The following ERC2 variants were observed in gnomAD, a reference collection of about 807,000 sequenced individuals.
The protein encoded by ERC2 is ELKS/RAB6-interacting/CAST family member 2.
ERC2 carries 42 observed loss-of-function variants against 114.8 expected under a neutral mutation model. The observed-to-expected ratio is 0.37, with a 90% CI of 0.29 to 0.47. The LOEUF is 0.47. ERC2 is among the 20% of genes least tolerant of loss of function. The pLI is 0.99. For missense variants in ERC2, 939 were observed against 1,150.7 expected (o/e 0.82, Z 2.66); for synonymous variants, 454 against 425.5 (o/e 1.07, Z -0.82).
chr3:55,517,356 G>A (rs1007963415), intron 17 of ERC2, among the ~76,000 whole-genome samples: 1 of 148,028 alleles, frequency 6.8e-6, no homozygotes, highest in East Asian at 2.0e-4. Context: ...CAGGAGAATC[G>A]CTTGAACCAG....
intron 2 of ERC2, among the ~76,000 whole-genome samples, chr3:56,364,331 T>C (rs1190924530): frequency 1.3e-5 from 2 of 152,240 alleles, no homozygotes; most frequent in African/African-American, 4.8e-5. Context: ...TCAATAGCTG[T>C]ACAACACTGT....
chr3:55,699,810 C>T (rs1346252645), intron 15 of ERC2, among the ~76,000 whole-genome samples: 1 of 152,062 alleles, frequency 6.6e-6, no homozygotes, highest in South Asian at 2.1e-4. Flanking sequence ...CATTATCAAG[C>T]AATCACAGAG....
chr3:56,050,686 C>A (rs1055108519), intron 7 of ERC2, among the ~76,000 whole-genome samples: 14 of 152,264 alleles, frequency 9.2e-5, no homozygotes, highest in Middle Eastern at 3.4e-3. Flanking sequence ...CTCTCAACAC[C>A]TGTACTGCTT....
chr3:55,524,636 A>G (rs1406824184), intron 17 of ERC2, among the ~76,000 whole-genome samples: 2 of 152,150 alleles, frequency 1.3e-5, no homozygotes, highest in Non-Finnish European at 2.9e-5. Context: ...TTAAGCCACA[A>G]GAAGGAGCAG....
At chr3:55,971,593 CA>C (rs2149486016) in intron 12 of ERC2, among the ~76,000 whole-genome samples, 1 of 152,082 alleles carries the variant, frequency 6.6e-6, no homozygotes, top group African/African-American at 2.4e-5. Flanking sequence ...ATGTCAGTAA[CA>C]TATAGATTGG....
intron 7 of ERC2, among the ~76,000 whole-genome samples, chr3:56,038,632 G>A (rs116274223): frequency 0.011 from 1,648 of 152,246 alleles, 22 homozygotes; most frequent in African/African-American, 0.037. Flanking sequence ...ATATACGCAT[G>A]TGTATGTTCA....
chr3:55,651,145 G>C (rs898689467), intron 17 of ERC2, among the ~76,000 whole-genome samples: 9 of 150,852 alleles, frequency 6.0e-5, no homozygotes, highest in African/African-American at 2.2e-4. Flanking sequence ...ACAGGCGTGA[G>C]CCACTGCACC....
intron 12 of ERC2, among the ~76,000 whole-genome samples, chr3:55,963,908 A>G (rs983707879): frequency 5.3e-5 from 8 of 152,364 alleles, no homozygotes; most frequent in African/African-American, 1.9e-4. Context: ...CACAAGGGGC[A>G]CTTCGTGTAT....
chr3:56,066,970 A>C (rs1432892389), intron 7 of ERC2, among the ~76,000 whole-genome samples: 1 of 152,208 alleles, frequency 6.6e-6, no homozygotes, highest in Non-Finnish European at 1.5e-5. Flanking sequence ...TAGAGTTTGA[A>C]GTCAAGCGGC....
chr3:55,767,240 A>G (rs542900204), intron 14 of ERC2, among the ~76,000 whole-genome samples: 9 of 152,348 alleles, frequency 5.9e-5, no homozygotes, highest in Admixed American at 1.3e-4. Flanking sequence ...CAGTGCTTAT[A>G]AAATGTAAAT....
At chr3:55,870,477 A>G (rs1385132309) in intron 14 of ERC2, among the ~76,000 whole-genome samples, 2 of 152,244 alleles carry the variant, frequency 1.3e-5, no homozygotes, top group East Asian at 3.9e-4. Flanking sequence ...TTAGCAATCC[A>G]TGCTAAGTGT....
intron 6 of ERC2, among the ~76,000 whole-genome samples, chr3:56,106,602 A>T (rs757974267): frequency 3.3e-5 from 5 of 152,158 alleles, no homozygotes; most frequent in Non-Finnish European, 7.4e-5. Flanking sequence ...TGGTTTACTT[A>T]TTTATTTTTT....
chr3:56,231,693 G>C (rs180998343), intron 3 of ERC2, among the ~76,000 whole-genome samples: 1 of 152,276 alleles, frequency 6.6e-6, no homozygotes, highest in Non-Finnish European at 1.5e-5. Flanking sequence ...GAGCCATAGA[G>C]AACCAGGTCA....
intron 10 of ERC2, among the ~76,000 whole-genome samples, chr3:56,002,870 A>C (rs569108511): frequency 1.3e-5 from 2 of 152,296 alleles, no homozygotes; most frequent in South Asian, 4.1e-4. Context: ...TGAGGTTAAG[A>C]AGGAGGTAAT....
rs566848245 is a variant in ERC2, at chr3:55,888,310, T to A, written c.2564+79A>T. On this transcript the variant is annotated intron_variant, in intron 14 of 17. Coordinates refer to ENST00000288221, the MANE Select transcript of ERC2 (RefSeq NM_015576.3). ...ATTCTTTTTCTGAGCTCTTTCTTCA[T>A]CTTCTCTAGCCCTTCCCCTTTCCCA... The A allele has an allele frequency of 2.0e-6, 3 of 1,472,274 alleles. No individual in the cohort carries two copies. The African/African-American group carries it at 4.2e-5, about 21-fold the overall frequency. 91.2% of individuals were successfully genotyped at this position (1,472,274 alleles called of 1,614,324 possible).
intron 13 of ERC2, among the ~76,000 whole-genome samples, chr3:55,915,168 G>C (rs1277937598): frequency 2.0e-5 from 3 of 152,020 alleles, no homozygotes; most frequent in Non-Finnish European, 4.4e-5. Flanking sequence ...ACTTTACCAA[G>C]TATATAAACC....
intron 17 of ERC2, among the ~76,000 whole-genome samples, chr3:55,654,453 A>G (rs142215476): frequency 3.1e-4 from 47 of 152,358 alleles, no homozygotes; most frequent in African/African-American, 1.1e-3. Flanking sequence ...TATGCTTTCC[A>G]TATAGGCCAA....
intron 14 of ERC2, among the ~76,000 whole-genome samples, chr3:55,834,023 A>C (rs2060749822): frequency 6.6e-6 from 1 of 151,330 alleles, no homozygotes; most frequent in Admixed American, 6.6e-5. Context: ...AGGCCATTAC[A>C]TAATGGTAAA....
chr3:55,573,050 A>G (rs911441732), intron 17 of ERC2, among the ~76,000 whole-genome samples: 6 of 152,184 alleles, frequency 3.9e-5, no homozygotes, highest in African/African-American at 4.8e-5. Flanking sequence ...TTGACCGCAA[A>G]ACACCAGGCA....
Sources: allele counts gnomAD v4.1 joint callset (sites outside exome capture counted in the v4.1 genomes callset), GRCh38; gene constraint gnomAD v4.1.1; transcripts MANE v1.5; gene names NCBI Gene and HGNC (gene_info 2026-07-23, HGNC 2026-07-21).